The following SYT1 variants were observed in gnomAD, a reference collection of about 807,000 sequenced individuals.
SYT1 encodes the protein synaptotagmin 1, also known as synaptotagmin-1.
A neutral mutation model predicts 44.8 loss-of-function variants in SYT1; 8 were observed. The ratio of observed to expected loss-of-function variants is 0.18; its 90% CI spans 0.10 to 0.32. SYT1 has a LOEUF of 0.32. Ranked by LOEUF, SYT1 falls within the 10% of genes least tolerant of loss-of-function variation. The pLI, the probability that SYT1 is intolerant of heterozygous loss-of-function variation, is 1.00. For synonymous variants in SYT1, 154 were observed against 188.8 expected (o/e 0.82, Z 1.51); for missense variants, 286 against 509.3 (o/e 0.56, Z 4.22).
chr12:78,954,858 T>C (rs1324353863), intron 1 of SYT1, among the ~76,000 whole-genome samples: 2 of 152,160 alleles, frequency 1.3e-5, no homozygotes, highest in African/African-American at 2.4e-5. Context: ...TATTGCACTA[T>C]TAGTCAGAAA....
chr12:79,372,547 A>T (rs1185565127), intron 9 of SYT1, among the ~76,000 whole-genome samples: 1 of 152,182 alleles, frequency 6.6e-6, no homozygotes, highest in Non-Finnish European at 1.5e-5. Flanking sequence ...CTAGTTCTTT[A>T]AGCTGAGGCC....
chr12:78,880,514 T>G (rs1310046250), intron 1 of SYT1, among the ~76,000 whole-genome samples: 1 of 151,620 alleles, frequency 6.6e-6, no homozygotes, highest in East Asian at 1.9e-4. Flanking sequence ...ACAGAGATTT[T>G]TATATTTTTT....
intron 3 of SYT1, among the ~76,000 whole-genome samples, chr12:79,113,101 G>GT (rs753973408): frequency 3.9e-5 from 6 of 152,036 alleles, no homozygotes; most frequent in Non-Finnish European, 7.4e-5. Flanking sequence ...GTCAAGTTAT[G>GT]TTTTTTATTG....
chr12:79,329,146 C>A (rs904726258), intron 8 of SYT1, among the ~76,000 whole-genome samples: 1 of 152,138 alleles, frequency 6.6e-6, no homozygotes, highest in Non-Finnish European at 1.5e-5. Flanking sequence ...TATCCAAGCA[C>A]AAGATTCAGT....
At chr12:79,260,077 T>C (rs1877746495) in intron 4 of SYT1, among the ~76,000 whole-genome samples, 1 of 152,214 alleles carries the variant, frequency 6.6e-6, no homozygotes, top group Admixed American at 6.5e-5. Context: ...TCTCTGAAAC[T>C]GGAGAGTATT....
intron 1 of SYT1, among the ~76,000 whole-genome samples, chr12:78,942,947 A>T (rs2137259124): frequency 6.6e-6 from 1 of 152,296 alleles, no homozygotes; most frequent in Middle Eastern, 3.4e-3. Flanking sequence ...TGAGTTCTGT[A>T]TGTGTTCTAT....
chr12:78,922,708 T>G (rs1158447003), intron 1 of SYT1, among the ~76,000 whole-genome samples: 1 of 151,904 alleles, frequency 6.6e-6, no homozygotes, highest in Non-Finnish European at 1.5e-5. Flanking sequence ...GATGGACACA[T>G]GCTGTATATT....
intron 4 of SYT1, among the ~76,000 whole-genome samples, chr12:79,257,070 G>T (rs981322521): frequency 6.6e-6 from 1 of 152,162 alleles, no homozygotes; most frequent in Non-Finnish European, 1.5e-5. Flanking sequence ...GCACAAAAGA[G>T]AATTTTGTTG....
At chr12:79,145,669 C>A (rs1220512020) in intron 3 of SYT1, among the ~76,000 whole-genome samples, 1 of 151,968 alleles carries the variant, frequency 6.6e-6, no homozygotes, top group Non-Finnish European at 1.5e-5. Context: ...ATAACTTCCC[C>A]AATATAACAC....
chr12:78,989,903 G>A (rs1027206789), intron 2 of SYT1, among the ~76,000 whole-genome samples: 3 of 152,040 alleles, frequency 2.0e-5, no homozygotes, highest in South Asian at 2.1e-4. Flanking sequence ...CACCCACTGT[G>A]CACTCAAGAT....
rs577761239 is a variant in SYT1 at position 78,979,678 on chromosome 12, C to T, written c.-84+1747C>T. 1.2e-4 allele frequency among the ~76,000 whole-genome samples: 18 copies of T among 151,940 alleles called. No individual in the cohort carries two copies. The South Asian group carries it at 3.7e-3, about 32-fold the overall frequency. ...AAGCATTCTAGGTTGTTTATTTCAC[C>T]TTTAATATGAGTTTTAAATATCTTA... On this transcript the variant is annotated intron_variant, in intron 2 of 10. Coordinates refer to ENST00000261205, the MANE Select transcript of SYT1 (RefSeq NM_005639.3).
chr12:78,902,999 G>A (rs1875747534), intron 1 of SYT1, among the ~76,000 whole-genome samples: 1 of 152,100 alleles, frequency 6.6e-6, no homozygotes. Flanking sequence ...TCTGAAAGAG[G>A]AATTAGGGTC....
At chr12:79,084,130 C>T (rs577784420) in intron 3 of SYT1, among the ~76,000 whole-genome samples, 39 of 152,138 alleles carry the variant, frequency 2.6e-4, no homozygotes, top group Middle Eastern at 3.4e-3. Context: ...AGAGTTATTT[C>T]TCCTTTTAAA....
intron 8 of SYT1, among the ~76,000 whole-genome samples, chr12:79,300,924 G>C (rs901253704): frequency 6.7e-6 from 1 of 149,080 alleles, no homozygotes; most frequent in African/African-American, 2.5e-5. Flanking sequence ...GAAAAATACC[G>C]AGTTTTAAAA....
At chr12:79,209,832 C>T (rs1028090866) in intron 3 of SYT1, among the ~76,000 whole-genome samples, 1 of 152,208 alleles carries the variant, frequency 6.6e-6, no homozygotes, top group Non-Finnish European at 1.5e-5. Context: ...TTCTGCCCTC[C>T]ACCTCAAAAT....
intron 2 of SYT1, among the ~76,000 whole-genome samples, chr12:79,041,625 C>A (rs1344016615): frequency 5.9e-5 from 9 of 152,010 alleles, no homozygotes; most frequent in African/African-American, 2.2e-4. Flanking sequence ...TTTCCTTCTC[C>A]TGCCTAATTG....
intron 4 of SYT1, among the ~76,000 whole-genome samples, chr12:79,273,812 G>T (rs539812541): frequency 6.6e-6 from 1 of 152,342 alleles, no homozygotes; most frequent in African/African-American, 2.4e-5. Flanking sequence ...GTGGTGGGGC[G>T]TGATGGCTCA....
chr12:79,286,062 ACTT>A, intron 5 of SYT1, 91 bp downstream of exon 5: 1 of 1,385,784 alleles, frequency 7.2e-7, no homozygotes, highest in Admixed American at 2.7e-5. Context: ...GAAATAAACA[ACTT>A]CTGGACCCAT....
intron 5 of SYT1, among the ~76,000 whole-genome samples, chr12:79,288,250 T>C (rs887923582): frequency 2.6e-5 from 4 of 152,050 alleles, no homozygotes; most frequent in Admixed American, 2.6e-4. Flanking sequence ...CACCCAAAAT[T>C]CAAAACAGCA....
Sources: gnomAD v4.1 joint callset for allele counts (sites outside exome capture counted in the v4.1 genomes callset) on GRCh38, gnomAD v4.1.1 for gene constraint, MANE v1.5 for transcripts, NCBI Gene and HGNC (gene_info 2026-07-23, HGNC 2026-07-21) for gene names.